The following FRMD4A variants were observed in gnomAD, a reference collection of about 807,000 sequenced individuals.
FRMD4A encodes FERM domain-containing protein 4A.
FRMD4A carries 29 observed loss-of-function variants against 129.1 expected under a neutral mutation model. That is an observed-to-expected ratio of 0.22 (90% CI 0.17 to 0.31). The LOEUF (loss-of-function observed/expected upper bound fraction) is 0.31. Among genes scored for constraint, FRMD4A ranks in the 10% least tolerant of loss-of-function variants. The pLI is 1.00. For missense variants in FRMD4A, 1,272 were observed against 1,375.8 expected (o/e 0.92, Z 1.19); for synonymous variants, 634 against 571.6 (o/e 1.11, Z -1.56).
chr10:14,211,889 G>C (rs1473851643), intron 2 of FRMD4A, among the ~76,000 whole-genome samples: 1 of 152,204 alleles, frequency 6.6e-6, no homozygotes, highest in Non-Finnish European at 1.5e-5. Flanking sequence ...TAAGTTTGAA[G>C]GGCTTAAAAG....
chr10:14,190,466 G>A (rs890538933), intron 2 of FRMD4A, among the ~76,000 whole-genome samples: 1 of 152,150 alleles, frequency 6.6e-6, no homozygotes, highest in Non-Finnish European at 1.5e-5. Flanking sequence ...CAGTCTCCAA[G>A]GCTCTAGCGA....
chr10:14,211,807 T>G (rs1241981655), intron 2 of FRMD4A, among the ~76,000 whole-genome samples: 2 of 152,208 alleles, frequency 1.3e-5, no homozygotes, highest in Admixed American at 1.3e-4. Context: ...GTGTGAAAAC[T>G]GTCATGCATT....
intron 8 of FRMD4A, among the ~76,000 whole-genome samples, chr10:13,753,060 C>CTCTCTGTT (rs1487223324): frequency 6.6e-6 from 1 of 152,212 alleles, no homozygotes; most frequent in East Asian, 1.9e-4. Flanking sequence ...ACATACGTGG[C>CTCTCTGTT]TCTCTGTTCC....
intron 2 of FRMD4A, among the ~76,000 whole-genome samples, chr10:14,127,013 T>C (rs1439676058): frequency 6.6e-6 from 1 of 152,182 alleles, no homozygotes; most frequent in African/African-American, 2.4e-5. Flanking sequence ...CCTGCCCTTA[T>C]GGAGCTTAGA....
At chr10:14,075,081 T>C (rs1835508578) in intron 2 of FRMD4A, among the ~76,000 whole-genome samples, 1 of 152,196 alleles carries the variant, frequency 6.6e-6, no homozygotes, top group Admixed American at 6.5e-5. Flanking sequence ...TTTCCAGTGC[T>C]AACGTAGCAC....
At chr10:13,810,023 C>T (rs879523331) in intron 4 of FRMD4A, among the ~76,000 whole-genome samples, 8 of 152,190 alleles carry the variant, frequency 5.3e-5, no homozygotes, top group Admixed American at 5.2e-4. Flanking sequence ...TAACCTAACA[C>T]TGATCTATTA....
intron 2 of FRMD4A, among the ~76,000 whole-genome samples, chr10:14,243,283 G>C (rs1331229426): frequency 6.6e-6 from 1 of 152,140 alleles, no homozygotes; most frequent in Non-Finnish European, 1.5e-5. Context: ...TTGGATCATG[G>C]GGGCGGTTTC....
Position 14,051,156 on chromosome 10 carries a change from A to T in FRMD4A, c.46-192244T>A, listed in dbSNP as rs530189296. 6.6e-5 allele frequency among the ~76,000 whole-genome samples: 10 copies of T among 152,306 alleles called. No homozygotes were observed. In the South Asian group the frequency reaches 1.7e-3, roughly 25 times the overall value. Reference sequence around the variant, plus strand: ...CGGGAAGTATTTAATAGCCTAACCAAAATGCAGTATCTAGCCTTTCGATGC... The same window carrying T: ...CGGGAAGTATTTAATAGCCTAACCATAATGCAGTATCTAGCCTTTCGATGC... On this transcript the variant is annotated intron_variant, in intron 2 of 24. Transcript: ENST00000357447.
At chr10:14,119,472 A>C (rs1589016286) in intron 2 of FRMD4A, among the ~76,000 whole-genome samples, 1 of 152,300 alleles carries the variant, frequency 6.6e-6, no homozygotes, top group Middle Eastern at 3.4e-3. Context: ...TCTAGGAATG[A>C]AGCCTGGGCT....
At chr10:13,994,743 T>C (rs2095616478) in intron 2 of FRMD4A, among the ~76,000 whole-genome samples, 2 of 152,208 alleles carry the variant, frequency 1.3e-5, no homozygotes, top group South Asian at 2.1e-4. Flanking sequence ...GAACAACGCA[T>C]ACATACATTT....
At chr10:13,673,480 G>A (rs2083690011) in intron 16 of FRMD4A, among the ~76,000 whole-genome samples, 1 of 152,102 alleles carries the variant, frequency 6.6e-6, no homozygotes, top group African/African-American at 2.4e-5. Flanking sequence ...CTGTTTACCG[G>A]CGAAGCTCTT....
At chr10:13,774,562 G>GT (rs1008825503) in intron 6 of FRMD4A, among the ~76,000 whole-genome samples, 22 of 152,298 alleles carry the variant, frequency 1.4e-4, no homozygotes, top group Admixed American at 3.9e-4. Flanking sequence ...GAAGGGAAGG[G>GT]TTTTTTCTGG....
chr10:14,121,765 T>C (rs943502983), intron 2 of FRMD4A, among the ~76,000 whole-genome samples: 1 of 152,170 alleles, frequency 6.6e-6, no homozygotes, highest in East Asian at 1.9e-4. Context: ...CTGAAAACCA[T>C]TGGCTTTAGG....
intron 2 of FRMD4A, among the ~76,000 whole-genome samples, chr10:14,153,802 C>A (rs1393835323): frequency 6.6e-6 from 1 of 152,180 alleles, no homozygotes. Flanking sequence ...TAAGACAGAA[C>A]CTTCTCTTTC....
intron 19 of FRMD4A, among the ~76,000 whole-genome samples, chr10:13,661,084 G>T (rs1564544150): frequency 6.6e-6 from 1 of 152,168 alleles, no homozygotes; most frequent in Non-Finnish European, 1.5e-5. Flanking sequence ...CCTGCTGGGT[G>T]GATCGGGTGT....
Position 14,309,365 on chromosome 10 carries a change from G to A in FRMD4A, c.45+20693C>T, listed in dbSNP as rs140049301. Among the ~76,000 whole-genome samples, 1,215 of 152,216 alleles carry A rather than the reference G, an allele frequency of 8.0e-3. 9 individuals are homozygous for A. The highest frequency in any genetic ancestry group is 0.014 in the Middle Eastern group (4 of 294). ...CTCAGGTGGCTGAGGCGGGACAATC[G>A]CTTGAGCCAAGGAGGTCGAGGCTGC... On this transcript the variant is annotated intron_variant, in intron 2 of 24. Coordinates refer to ENST00000357447, the MANE Select transcript of FRMD4A (RefSeq NM_018027.5).
At chr10:14,318,491 GA>G (rs1241525643) in intron 2 of FRMD4A, among the ~76,000 whole-genome samples, 1 of 151,712 alleles carries the variant, frequency 6.6e-6, no homozygotes, top group Non-Finnish European at 1.5e-5. Context: ...GGCTGACCAG[GA>G]TTTACACATC....
intron 2 of FRMD4A, among the ~76,000 whole-genome samples, chr10:14,247,828 T>C (rs1049378048): frequency 3.9e-5 from 6 of 152,172 alleles, no homozygotes; most frequent in African/African-American, 1.4e-4. Flanking sequence ...AACAGGATTA[T>C]CTTGGTTGTA....
At chr10:13,674,747 G>A (rs968063322) in intron 16 of FRMD4A, among the ~76,000 whole-genome samples, 164 bp downstream of exon 16, 3 of 152,168 alleles carry the variant, frequency 2.0e-5, no homozygotes, top group African/African-American at 4.8e-5. Context: ...TCAGGAGAGC[G>A]CTCGCCGCCC....
Sources: allele counts gnomAD v4.1 joint callset (sites outside exome capture counted in the v4.1 genomes callset), GRCh38; gene constraint gnomAD v4.1.1; transcripts MANE v1.5; gene names NCBI Gene and HGNC (gene_info 2026-07-23, HGNC 2026-07-21).